The following S100A7 variants were observed in gnomAD, a reference collection of about 807,000 sequenced individuals.
S100A7 encodes the protein protein S100-A7.
In S100A7, 2 loss-of-function variants were observed where a neutral mutation model predicts 3.8. The ratio of observed to expected loss-of-function variants is 0.53; its 90% CI spans 0.22 to 1.67. The LOEUF (loss-of-function observed/expected upper bound fraction) is 1.67. S100A7 is among the 40% of genes most tolerant of loss of function. S100A7 has a pLI of 0.20. For synonymous variants in S100A7, 55 were observed against 45.9 expected (o/e 1.20, Z -0.80); for missense variants, 130 against 126.3 (o/e 1.03, Z -0.14).
chr1:153,458,920 G>A lies in S100A7; in HGVS notation c.94C>T (p.Leu32=). Reference sequence around the variant, plus strand: ...AAGTTCTCCTTCATCATCGTCAGCAGGCTTGGCTTCTCAATCTTGTCATCA... The same window carrying A: ...AAGTTCTCCTTCATCATCGTCAGCAAGCTTGGCTTCTCAATCTTGTCATCA... ...RRDDKIEKPS[L]LTMMKENFPN... Residue 32 remains leucine, a synonymous_variant, in exon 2 of 3, where the codon CTG becomes TTG. Coordinates refer to ENST00000368723, the MANE Select transcript of S100A7 (RefSeq NM_002963.4). 1 of 1,614,016 alleles carries A rather than the reference G, an allele frequency of 6.2e-7. No individual in the cohort carries two copies. Among genetic ancestry groups the A allele is most frequent in the East Asian group, 2.2e-5 (1 of 44,876 alleles).
chr1:153,459,582 G>A (rs1405989160), intron 1 of S100A7, among the ~76,000 whole-genome samples: 1 of 152,204 alleles, frequency 6.6e-6, no homozygotes. Context: ...TGTGAGCGTG[G>A]ACGTGAGTGT....
intron 1 of S100A7, among the ~76,000 whole-genome samples, chr1:153,459,367 C>T (rs936668940): frequency 6.6e-6 from 1 of 152,228 alleles, no homozygotes; most frequent in Non-Finnish European, 1.5e-5. Flanking sequence ...TCAGCCAGCA[C>T]ATGGCAGACC....
chr1:153,458,471 A>G (rs555719544), intron 2 of S100A7, among the ~76,000 whole-genome samples: 1 of 151,982 alleles, frequency 6.6e-6, no homozygotes, highest in South Asian at 2.1e-4. Context: ...TTTGCTAATG[A>G]GTCTTGTTTA....
chr1:153,459,104 G>A (rs1663758830), intron 1 of S100A7, 74 bp from the exon 2 acceptor site: 6 of 1,545,734 alleles, frequency 3.9e-6, no homozygotes, highest in Non-Finnish European at 5.3e-6. Flanking sequence ...GCTGGAAGGA[G>A]GGCTGAGGAC....
chr1:153,458,945 A>T lies in S100A7; in HGVS notation c.69T>A (p.Arg23=), dbSNP rs199931531. 2 of 1,613,842 alleles carry T rather than the reference A, an allele frequency of 1.2e-6. No homozygotes were observed. The highest frequency in any genetic ancestry group is 1.7e-6 in the Non-Finnish European group (2 of 1,179,936). ...MIDMFHKYTR[R]DDKIEKPSLL... ...GGCTTGGCTTCTCAATCTTGTCATC[A>T]CGTCTGGTGTATTTGTGAAACATGT... Residue 23 remains arginine (R), a synonymous_variant, in exon 2 of 3, where the codon CGT becomes CGA. Coordinates refer to ENST00000368723, the MANE Select transcript of S100A7 (RefSeq NM_002963.4).
Position 153,457,792 on chromosome 1 carries a change from T to A in S100A7, c.*14A>T, listed in dbSNP as rs1367433341. On this transcript the variant is annotated 3_prime_UTR_variant, in exon 3 of 3. Transcript: ENST00000368723. ...TGTTCCTGGGGTCTCTGGAGGCCCA[T>A]TGGTGGGGCTGGGTCACTGGCTGCC... is the stretch of plus-strand genomic sequence containing the variant. The A allele has an allele frequency of 6.2e-7, 1 of 1,613,146 alleles. No homozygotes were observed. The highest frequency in any genetic ancestry group is 1.7e-5 in the Admixed American group (1 of 59,886).
chr1:153,459,942 A>C (rs1474018051), intron 1 of S100A7: 2 of 152,362 alleles, frequency 1.3e-5, no homozygotes, highest in African/African-American at 4.8e-5. Flanking sequence ...ACCTTGGCTA[A>C]TGCATATGGG....
chr1:153,459,144 A>G, intron 1 of S100A7, 114 bp from the exon 2 acceptor site: 4 of 1,312,564 alleles, frequency 3.0e-6, no homozygotes. Flanking sequence ...GGTGTAGCAG[A>G]ACGAACTCAA....
At chr1:153,460,570 GCA>G in intron 1 of S100A7, 36 bp downstream of exon 1, 1 of 786,120 alleles carries the variant, frequency 1.3e-6, no homozygotes, top group Non-Finnish European at 2.2e-6. Flanking sequence ...CAGGCACTGG[GCA>G]CTTCTAGAAA....
Position 153,457,793 on chromosome 1 carries a change from T to A in S100A7, c.*13A>T. On this transcript the variant is annotated 3_prime_UTR_variant, in exon 3 of 3. Coordinates refer to ENST00000368723, the MANE Select transcript of S100A7 (RefSeq NM_002963.4). Reference sequence around the variant, plus strand: ...GTTCCTGGGGTCTCTGGAGGCCCATTGGTGGGGCTGGGTCACTGGCTGCCC... The same window carrying A: ...GTTCCTGGGGTCTCTGGAGGCCCATAGGTGGGGCTGGGTCACTGGCTGCCC... 6.2e-7 allele frequency: 1 copy of A among 1,613,180 alleles called. No individual in the cohort carries two copies. The highest frequency in any genetic ancestry group is 8.5e-7 in the Non-Finnish European group (1 of 1,179,500).
chr1:153,459,087 T>G lies in S100A7; in HGVS notation c.-17-57A>C, dbSNP rs1013791599. ...CTTCATTTAAGTTAGGGTCTCTATTTGGGAGTGCTGGAAGGAGGGCTGAGG... is the reference window on the plus strand; with the variant it reads ...CTTCATTTAAGTTAGGGTCTCTATTGGGGAGTGCTGGAAGGAGGGCTGAGG... On this transcript the variant is annotated intron_variant, in intron 1 of 2. Transcript: ENST00000368723. 1.5e-5 allele frequency: 23 copies of G among 1,578,422 alleles called. No individual in the cohort carries two copies. In the African/African-American group the frequency reaches 2.0e-4, roughly 14 times the overall value.
At chr1:153,459,097 G>T (rs962731298) in intron 1 of S100A7, 67 bp from the exon 2 acceptor site, 4 of 1,561,056 alleles carry the variant, frequency 2.6e-6, no homozygotes, top group Non-Finnish European at 3.5e-6. Flanking sequence ...TGGGAGTGCT[G>T]GAAGGAGGGC....
rs201871940 is a variant in S100A7, at chr1:153,458,946, C to T, written c.68G>A (p.Arg23His). Residue 23 changes from arginine (R) to histidine (H), a missense_variant, in exon 2 of 3, where the codon CGT (arginine) becomes CAT (histidine). Coordinates refer to ENST00000368723, the MANE Select transcript of S100A7 (RefSeq NM_002963.4). ...GCTTGGCTTCTCAATCTTGTCATCACGTCTGGTGTATTTGTGAAACATGTC... is the reference window on the plus strand; with the variant it reads ...GCTTGGCTTCTCAATCTTGTCATCATGTCTGGTGTATTTGTGAAACATGTC... ...MIDMFHKYTR[R>H]DDKIEKPSLL... is the part of the protein sequence containing the mutation. 2.0e-5 allele frequency: 32 copies of T among 1,614,074 alleles called. No individual in the cohort carries two copies. In the East Asian group the frequency reaches 2.9e-4, roughly 15 times the overall value.
intron 2 of S100A7, among the ~76,000 whole-genome samples, chr1:153,458,400 G>A (rs1260110574): frequency 3.9e-5 from 6 of 151,974 alleles, no homozygotes; most frequent in Non-Finnish European, 5.9e-5. Context: ...CATCTTCTGG[G>A]TATCCTACTC....
chr1:153,459,667 G>A (rs1663780404), intron 1 of S100A7, among the ~76,000 whole-genome samples: 1 of 152,186 alleles, frequency 6.6e-6, no homozygotes, highest in African/African-American at 2.4e-5. Flanking sequence ...AACAGGAATG[G>A]CCTCTGTTAC....
intron 2 of S100A7, among the ~76,000 whole-genome samples, chr1:153,458,349 T>C (rs1663738013): frequency 6.6e-6 from 1 of 152,152 alleles, no homozygotes; most frequent in Non-Finnish European, 1.5e-5. Context: ...TTCTCTTCTT[T>C]CTCTGGCCTC....
intron 1 of S100A7, among the ~76,000 whole-genome samples, chr1:153,459,466 G>A (rs1204768768): frequency 6.6e-6 from 1 of 152,216 alleles, no homozygotes; most frequent in African/African-American, 2.4e-5. Flanking sequence ...TTGGTGATCT[G>A]GTGTCTGACC....
At chr1:153,459,907 A>G (rs556970364) in intron 1 of S100A7, 1 of 152,440 alleles carries the variant, frequency 6.6e-6, no homozygotes, top group Non-Finnish European at 1.5e-5. Context: ...CTCACTTCCC[A>G]CACTTTCCAA....
chr1:153,460,318 G>A (rs1174009218), intron 1 of S100A7, among the ~76,000 whole-genome samples: 1 of 152,220 alleles, frequency 6.6e-6, no homozygotes, highest in African/African-American at 2.4e-5. Context: ...ATGAATCCAG[G>A]GAGGAAGAGG....
Sources: gnomAD v4.1 joint callset for allele counts (sites outside exome capture counted in the v4.1 genomes callset) on GRCh38, gnomAD v4.1.1 for gene constraint, MANE v1.5 for transcripts, NCBI Gene and HGNC (gene_info 2026-07-23, HGNC 2026-07-21) for gene names.